RBM47: variants seen among roughly 807,000 people sequenced by gnomAD.
RBM47 encodes the protein RNA-binding protein 47.
A neutral mutation model predicts 47.1 loss-of-function variants in RBM47; 21 were observed. The ratio of observed to expected loss-of-function variants is 0.45; its 90% confidence interval spans 0.32 to 0.64. The LOEUF (loss-of-function observed/expected upper bound fraction) is 0.64. Among genes scored for constraint, RBM47 ranks in the 30% least tolerant of loss-of-function variants. The pLI is 0.05. For missense variants in RBM47, 708 were observed against 870.9 expected, an observed-to-expected ratio of 0.81 and a Z score of 2.35; for synonymous variants, 375 against 361.7, an observed-to-expected ratio of 1.04 and a Z score of -0.42.
In RBM47 at chr4:40,551,222, G is replaced by A. The variant is rs572060505; in HGVS notation, c.-239-6716C>T. ...AGTTACAAAAGAATGAAGAAAATAC[G>A]GTGGCCACAAAATACATATGGTTCG... On this transcript the variant is annotated intron_variant, in intron 1 of 6. Transcript: ENST00000295971. Among the ~76,000 whole-genome samples the A allele has an allele frequency of 3.3e-5, 5 of 152,180 alleles. No individual in the cohort carries two copies. In the East Asian group the frequency reaches 5.8e-4, roughly 18 times the overall value.
chr4:40,509,726 A>C (rs1416587299), intron 2 of RBM47, among the ~76,000 whole-genome samples: 2 of 47,698 alleles, frequency 4.2e-5, no homozygotes, highest in African/African-American at 1.2e-4. Context: ...CTAAAAATAC[A>C]AAAAAAAAAA....
At chr4:40,586,753 C>G (rs1000201012) in intron 1 of RBM47, among the ~76,000 whole-genome samples, 1 of 151,760 alleles carries the variant, frequency 6.6e-6, no homozygotes, top group African/African-American at 2.4e-5. Context: ...AAAGACCCCA[C>G]CGGTGACCTC....
chr4:40,444,922 G>C (rs556965545), intron 3 of RBM47, among the ~76,000 whole-genome samples: 4 of 151,432 alleles, frequency 2.6e-5, no homozygotes, highest in Non-Finnish European at 4.4e-5. Flanking sequence ...GCCTCCTAAA[G>C]TGCTGGGATT....
In RBM47 at chr4:40,576,336, T is replaced by C. The variant is rs906523856; in HGVS notation, c.-239-31830A>G. 2.6e-5 allele frequency among the ~76,000 whole-genome samples: 4 copies of C among 151,890 alleles called. No homozygotes were observed. The East Asian group carries it at 7.7e-4, about 29-fold the overall frequency. Reference sequence around the variant, plus strand: ...GATCAATTTTTTAAAAAAATTTTTTTGTAGAGATGGGGTCTTGCTATGTCG... The same window carrying C: ...GATCAATTTTTTAAAAAAATTTTTTCGTAGAGATGGGGTCTTGCTATGTCG... On this transcript the variant is annotated intron_variant, in intron 1 of 6. Coordinates refer to ENST00000295971, the MANE Select transcript of RBM47 (RefSeq NM_001098634.2).
At chr4:40,485,471 C>G (rs565594490) in intron 2 of RBM47, among the ~76,000 whole-genome samples, 1 of 152,118 alleles carries the variant, frequency 6.6e-6, no homozygotes. Flanking sequence ...TCTGTATGTG[C>G]CCCTTGACAC....
At chr4:40,518,100 T>G (rs909691857) in intron 2 of RBM47, among the ~76,000 whole-genome samples, 1 of 151,402 alleles carries the variant, frequency 6.6e-6, no homozygotes, top group Non-Finnish European at 1.5e-5. Context: ...GAAGTCCAGA[T>G]AGCCAATAAG....
chr4:40,605,995 C>T (rs1347386892), intron 1 of RBM47, among the ~76,000 whole-genome samples: 2 of 148,260 alleles, frequency 1.3e-5, no homozygotes, highest in Admixed American at 6.7e-5. Context: ...GTCAGGAATT[C>T]GAGACCAGCC....
intron 1 of RBM47, among the ~76,000 whole-genome samples, chr4:40,550,534 T>TCA (rs1420856221): frequency 2.0e-5 from 3 of 152,196 alleles, no homozygotes; most frequent in African/African-American, 7.2e-5. Flanking sequence ...TTCTCCTGCC[T>TCA]CAGCCTCCAG....
In RBM47 at chr4:40,618,593, G is replaced by A. The variant is rs148291814; in HGVS notation, c.-240+10803C>T. Among the ~76,000 whole-genome samples, 1,875 of 151,604 alleles carry A rather than the reference G, an allele frequency of 0.012. 84 individuals are homozygous for A. The East Asian group carries it at 0.14, about 11-fold the overall frequency. ...TGGAAGGCCGAGGTGGGCAGATCAC[G>A]AGGTCAGGAGGTCGAGACCAGCCTG... is the stretch of plus-strand genomic sequence containing the variant. On this transcript the variant is annotated intron_variant, in intron 1 of 6. Transcript: ENST00000295971.
chr4:40,600,633 C>CAA lies in RBM47; in HGVS notation c.-240+28761_-240+28762dup, dbSNP rs142816100. 1.3e-4 allele frequency among the ~76,000 whole-genome samples: 18 copies of CAA among 138,806 alleles called. No individual in the cohort carries two copies. In the East Asian group the frequency reaches 2.0e-3, roughly 15 times the overall value. 91.1% of individuals were successfully genotyped at this position (138,806 alleles called of 152,430 possible). On this transcript the variant is annotated intron_variant, in intron 1 of 6. Transcript: ENST00000295971. ...TGGGCGACAGAGCGAGGCTCCGTCT[C>CAA]AAAAAAAAAGAAAAGCAAGCAGAAG...
chr4:40,432,368 A>G (rs1222191324), intron 6 of RBM47, among the ~76,000 whole-genome samples: 1 of 152,162 alleles, frequency 6.6e-6, no homozygotes, highest in Non-Finnish European at 1.5e-5. Flanking sequence ...ATCCAGTGCT[A>G]TTTTAAAAAA....
chr4:40,436,927 AC>A, intron 4 of RBM47: 2 of 475,448 alleles, frequency 4.2e-6, no homozygotes, highest in South Asian at 3.4e-5. Context: ...ACTACCCACC[AC>A]CCCCTCCCCC....
rs151215159 is a variant in RBM47, at chr4:40,423,728, T to A, written c.*2176A>T. The A allele has an allele frequency of 0.018, 2,701 of 150,076 alleles. 41 individuals are homozygous for A. Among genetic ancestry groups the A allele is most frequent in the Middle Eastern group, 0.044 (13 of 294 alleles). The allele number at this position is 150,076 out of a possible 1,614,324, so 9.3% of individuals were successfully genotyped here. A position where few individuals can be genotyped will look rare whatever the true frequency, so the allele number is the denominator to read the frequency against. On this transcript the variant is annotated 3_prime_UTR_variant, in exon 7 of 7. Coordinates refer to ENST00000295971, the MANE Select transcript of RBM47 (RefSeq NM_001098634.2). ...TCTTTCTTTCTTTTCTTTCTTTTCTTTCTTCCTCTTCTTCTTCTTTTTTGC... is the reference window on the plus strand; with the variant it reads ...TCTTTCTTTCTTTTCTTTCTTTTCTATCTTCCTCTTCTTCTTCTTTTTTGC...
intron 1 of RBM47, among the ~76,000 whole-genome samples, chr4:40,624,439 GCCCACAGTGCTGAGCTCT>G (rs2154282061): frequency 6.6e-6 from 1 of 152,144 alleles, no homozygotes; most frequent in East Asian, 1.9e-4. Context: ...TAACAAACTA[GCCCACAGTGCTGAGCTCT>G]CCTCCATGCC....
intron 2 of RBM47, among the ~76,000 whole-genome samples, chr4:40,504,029 A>ATTT (rs1560426700): frequency 6.6e-6 from 1 of 151,932 alleles, no homozygotes. Flanking sequence ...TGAAAAAAAA[A>ATTT]TTTTTTTAAG....
chr4:40,483,665 C>T (rs1720718129), intron 2 of RBM47, among the ~76,000 whole-genome samples: 1 of 152,130 alleles, frequency 6.6e-6, no homozygotes, highest in Non-Finnish European at 1.5e-5. Context: ...CACTGGACTC[C>T]AGCCTGGGTG....
At chr4:40,581,370 C>A (rs1380591829) in intron 1 of RBM47, among the ~76,000 whole-genome samples, 1 of 151,244 alleles carries the variant, frequency 6.6e-6, no homozygotes, top group Non-Finnish European at 1.5e-5. Flanking sequence ...TGCAGTGAGC[C>A]GAGCTCACAC....
chr4:40,511,537 T>A (rs1475913490), intron 2 of RBM47, among the ~76,000 whole-genome samples: 1 of 152,202 alleles, frequency 6.6e-6, no homozygotes, highest in Non-Finnish European at 1.5e-5. Context: ...TGGGCCAAGT[T>A]ATTCAGGACT....
rs1218879447 is a variant in RBM47, at chr4:40,629,652, A to G, written c.-496T>C. On this transcript the variant is annotated 5_prime_UTR_variant, in exon 1 of 7. Coordinates refer to ENST00000295971, the MANE Select transcript of RBM47 (RefSeq NM_001098634.2). ...TTAACCTTGGAGACTTGCAGAGAGA[A>G]AGTCTCCAGGAGGACCGCTCCCCAA... 1 of 152,226 alleles carries G rather than the reference A, an allele frequency of 6.6e-6. No individual in the cohort carries two copies. The highest frequency in any genetic ancestry group is 1.5e-5 in the Non-Finnish European group (1 of 68,058). The allele number at this position is 152,226 out of a possible 1,614,324, so 9.4% of individuals were successfully genotyped here. A position where few individuals can be genotyped will look rare whatever the true frequency, so the allele number is the denominator to read the frequency against.
Sources: gnomAD v4.1 joint callset for allele counts (sites outside exome capture counted in the v4.1 genomes callset) on GRCh38, gnomAD v4.1.1 for gene constraint, MANE v1.5 for transcripts, NCBI Gene and HGNC (gene_info 2026-07-23, HGNC 2026-07-21) for gene names.